Variants in TEAD1 observed in about 807,000 individuals in gnomAD.
TEAD1 encodes TEA domain transcription factor 1, also known as transcriptional enhancer factor TEF-1.
A neutral mutation model predicts 54.9 loss-of-function variants in TEAD1; 9 were observed. The ratio of observed to expected loss-of-function variants is 0.16; its 90% confidence interval spans 0.10 to 0.29. The LOEUF (loss-of-function observed/expected upper bound fraction) is 0.29. Among genes scored for constraint, TEAD1 ranks in the 10% least tolerant of loss-of-function variants. The pLI is 1.00. For synonymous variants in TEAD1, 200 were observed against 187.8 expected (o/e 1.07, Z -0.53); for missense variants, 387 against 535.9 (o/e 0.72, Z 2.74).
chr11:12,797,560 C>T (rs1287558550), intron 3 of TEAD1, among the ~76,000 whole-genome samples: 1 of 145,640 alleles, frequency 6.9e-6, no homozygotes, highest in Non-Finnish European at 1.5e-5. Flanking sequence ...CTGTCCCTCT[C>T]TTTTTTTTTT....
rs1279019955 is a variant in TEAD1, at chr11:12,821,952, TCTCTTTTCC to T, written c.203-40297_203-40289del. On this transcript the variant is annotated intron_variant, in intron 3 of 12. Coordinates refer to ENST00000527636, the MANE Select transcript of TEAD1 (RefSeq NM_021961.6). ...CTTTTCCTATACTCTCTCTCCTTTT[TCTCTTTTCC>T]TTTTTTTTTTTTTTTTTTTTGAGAC... Among the ~76,000 whole-genome samples the T allele has an allele frequency of 0.01, 1,287 of 122,970 alleles. 82 individuals are homozygous for T. The East Asian group carries it at 0.17, about 16-fold the overall frequency. 80.7% of individuals were successfully genotyped at this position (122,970 alleles called of 152,430 possible).
intron 3 of TEAD1, among the ~76,000 whole-genome samples, chr11:12,805,301 G>A (rs1946146634): frequency 6.6e-6 from 1 of 152,102 alleles, no homozygotes; most frequent in Admixed American, 6.5e-5. Context: ...TATTTCTTTG[G>A]GGGCAGCTGA....
At chr11:12,711,831 T>G (rs900152334) in intron 2 of TEAD1, among the ~76,000 whole-genome samples, 1 of 152,198 alleles carries the variant, frequency 6.6e-6, no homozygotes, top group Non-Finnish European at 1.5e-5. Context: ...GTGGGGTCCC[T>G]CAGGAGGTTC....
Position 12,881,031 on chromosome 11 carries a change from G to A in TEAD1, c.492G>A (p.Gly164=). ...TCTGGCCGGGAATGATTCAAACAGG[G>A]CAGCCAGGATCCTCACAAGAGTAAG... is the stretch of plus-strand genomic sequence containing the variant. Residue 164 remains glycine (G), a synonymous_variant, in exon 7 of 13, where the codon GGG becomes GGA. Coordinates refer to ENST00000527636, the MANE Select transcript of TEAD1 (RefSeq NM_021961.6). 3.1e-6 allele frequency: 5 copies of A among 1,614,196 alleles called. No homozygotes were observed. Among genetic ancestry groups the A allele is most frequent in the African/African-American group, 1.3e-5 (1 of 75,050 alleles).
chr11:12,792,457 GT>G (rs1945824228), intron 3 of TEAD1, among the ~76,000 whole-genome samples: 1 of 149,990 alleles, frequency 6.7e-6, no homozygotes, highest in Admixed American at 6.7e-5. Context: ...TTTCTCTTTA[GT>G]TTGCCTTCGT....
chr11:12,737,008 T>C (rs1944547534), intron 2 of TEAD1, among the ~76,000 whole-genome samples: 1 of 152,198 alleles, frequency 6.6e-6, no homozygotes, highest in Non-Finnish European at 1.5e-5. Flanking sequence ...AAGAAAAATT[T>C]AATTCTTGGG....
Position 12,937,231 on chromosome 11 carries a change from A to G in TEAD1, c.*9A>G. 6.4e-7 allele frequency: 1 copy of G among 1,565,776 alleles called. No homozygotes were observed. The highest frequency in any genetic ancestry group is 1.1e-5 in the South Asian group (1 of 89,768). ...GGCTTGTAAAGGACTGAACATGGTTATTTATATATATAGATATCTGTATAT... is the reference window on the plus strand; with the variant it reads ...GGCTTGTAAAGGACTGAACATGGTTGTTTATATATATAGATATCTGTATAT... On this transcript the variant is annotated 3_prime_UTR_variant, in exon 13 of 13. Transcript: ENST00000527636.
intron 5 of TEAD1, among the ~76,000 whole-genome samples, chr11:12,871,413 A>G (rs1270129113): frequency 6.6e-6 from 1 of 152,204 alleles, no homozygotes; most frequent in South Asian, 2.1e-4. Context: ...TGAAAAAGTC[A>G]TTAACTGTTT....
chr11:12,703,627 A>G (rs1433066133), intron 2 of TEAD1, among the ~76,000 whole-genome samples: 3 of 152,116 alleles, frequency 2.0e-5, no homozygotes, highest in African/African-American at 7.2e-5. Flanking sequence ...CTAAACTCTG[A>G]GCCCTTGCGG....
chr11:12,685,676 A>G (rs1943316744), intron 2 of TEAD1, among the ~76,000 whole-genome samples: 1 of 152,238 alleles, frequency 6.6e-6, no homozygotes, highest in South Asian at 2.1e-4. Flanking sequence ...AGAAATAATC[A>G]GTTTCAATAA....
intron 3 of TEAD1, among the ~76,000 whole-genome samples, chr11:12,838,844 G>A (rs1016879664): frequency 1.2e-4 from 19 of 152,260 alleles, no homozygotes; most frequent in African/African-American, 4.1e-4. Context: ...AAATATTTTC[G>A]TTGTTTGCTT....
intron 9 of TEAD1, among the ~76,000 whole-genome samples, chr11:12,886,256 C>T (rs942764294): frequency 2.6e-5 from 4 of 152,186 alleles, no homozygotes; most frequent in African/African-American, 9.7e-5. Context: ...CAGGTACGTT[C>T]AGGATACATA....
intron 5 of TEAD1, 74 bp from the exon 6 acceptor site, chr11:12,879,634 G>T (rs755846670): frequency 1.9e-6 from 3 of 1,593,096 alleles, no homozygotes; most frequent in African/African-American, 2.7e-5. Context: ...CCATGTGCTC[G>T]TGGCTGTGCC....
chr11:12,922,184 A>G (rs1948819126), intron 10 of TEAD1, among the ~76,000 whole-genome samples: 4 of 139,726 alleles, frequency 2.9e-5, no homozygotes, highest in Admixed American at 1.5e-4. Flanking sequence ...TGTGGAGTAC[A>G]TGGTTCTCTT....
intron 10 of TEAD1, among the ~76,000 whole-genome samples, chr11:12,904,632 AT>A (rs1168274580): frequency 6.6e-6 from 1 of 152,188 alleles, no homozygotes; most frequent in African/African-American, 2.4e-5. Flanking sequence ...TGTCTCACTA[AT>A]TTTTTAAAAA....
chr11:12,684,759 C>T (rs2133815911), intron 2 of TEAD1, among the ~76,000 whole-genome samples: 1 of 152,322 alleles, frequency 6.6e-6, no homozygotes, highest in South Asian at 2.1e-4. Flanking sequence ...TCTCTCAGTA[C>T]TGCAAGCTCC....
At chr11:12,864,650 T>C (rs1947579473) in intron 4 of TEAD1, 188 bp from the exon 5 acceptor site, 1 of 1,424,256 alleles carries the variant, frequency 7.0e-7, no homozygotes, top group Admixed American at 2.8e-5. Flanking sequence ...TTGTTTTGTT[T>C]TGTTTTGTTT....
In TEAD1 at chr11:12,700,532, G is replaced by A. The variant is rs79266468; in HGVS notation, c.-55+24971G>A. Among the ~76,000 whole-genome samples the A allele has an allele frequency of 1.5e-3, 230 of 152,314 alleles. 8 individuals carry two copies. The East Asian group carries it at 0.039, about 26-fold the overall frequency. On this transcript the variant is annotated intron_variant, in intron 2 of 12. Coordinates refer to ENST00000527636, the MANE Select transcript of TEAD1 (RefSeq NM_021961.6). ...AATGATGTTATACCTGTGGGGTGCAGTGGAAACGAGTTTTGCGTATATTTT... is the reference window on the plus strand; with the variant it reads ...AATGATGTTATACCTGTGGGGTGCAATGGAAACGAGTTTTGCGTATATTTT...
chr11:12,707,114 CTTTTTT>C (rs11366620), intron 2 of TEAD1, among the ~76,000 whole-genome samples: 8 of 76,280 alleles, frequency 1.0e-4, no homozygotes, highest in Admixed American at 1.7e-4. Flanking sequence ...ACTTGTGGGA[CTTTTTT>C]TTTTTTTTTT....
Sources: allele counts gnomAD v4.1 joint callset (sites outside exome capture counted in the v4.1 genomes callset), GRCh38; gene constraint gnomAD v4.1.1; transcripts MANE v1.5; gene names NCBI Gene and HGNC (gene_info 2026-07-23, HGNC 2026-07-21).